The following TNR variants were observed in gnomAD, a reference collection of about 807,000 sequenced individuals.
The protein encoded by TNR is tenascin R.
A neutral mutation model predicts 150.4 loss-of-function variants in TNR; 45 were observed. The ratio of observed to expected loss-of-function variants is 0.30; its 90% CI spans 0.24 to 0.38. The LOEUF (loss-of-function observed/expected upper bound fraction) is 0.38, where lower values mean the gene tolerates loss of function less well. Among genes scored for constraint, TNR ranks in the 10% least tolerant of loss-of-function variants. The pLI is 1.00. For missense variants in TNR, 1,544 were observed against 1,759.1 expected, an observed-to-expected ratio of 0.88 and a Z score of 2.19; for synonymous variants, 687 against 678.4, an observed-to-expected ratio of 1.01 and a Z score of -0.20.
chr1:175,739,094 G>A (rs1245201102), intron 1 of TNR, among the ~76,000 whole-genome samples: 1 of 152,192 alleles, frequency 6.6e-6, no homozygotes, highest in Non-Finnish European at 1.5e-5. Context: ...GCTGGCAGAA[G>A]TGACTCAGGA....
At chr1:175,740,122 C>A (rs1425383194) in intron 1 of TNR, among the ~76,000 whole-genome samples, 1 of 152,200 alleles carries the variant, frequency 6.6e-6, no homozygotes, top group African/African-American at 2.4e-5. Flanking sequence ...TTGCTACTTA[C>A]CCAGTAACAA....
rs934165840 is a variant in TNR at position 175,508,110 on chromosome 1, C to T, written c.-64+20159G>A. 8.6e-5 allele frequency among the ~76,000 whole-genome samples: 13 copies of T among 151,612 alleles called. No individual in the cohort carries two copies. In the East Asian group the frequency reaches 9.7e-4, roughly 11 times the overall value. On this transcript the variant is annotated intron_variant, in intron 2 of 22. Coordinates refer to ENST00000367674, the MANE Select transcript of TNR (RefSeq NM_003285.3). ...AAAGATCACACAGGAGGGTCTGTCG[C>T]GGGGTGGGGGCAAGGGAAGGGAGGG... is the stretch of plus-strand genomic sequence containing the variant.
chr1:175,575,375 G>A (rs1184518080), intron 1 of TNR, among the ~76,000 whole-genome samples: 5 of 152,146 alleles, frequency 3.3e-5, no homozygotes, highest in Admixed American at 1.3e-4. Flanking sequence ...CTTCTATCAG[G>A]GACCAACACC....
intron 1 of TNR, among the ~76,000 whole-genome samples, chr1:175,637,195 G>C (rs1338387919): frequency 6.6e-6 from 1 of 152,124 alleles, no homozygotes. Flanking sequence ...TATTTTTGTT[G>C]CTCTCCAGTA....
At chr1:175,606,295 G>A (rs1217483928) in intron 1 of TNR, among the ~76,000 whole-genome samples, 2 of 152,136 alleles carry the variant, frequency 1.3e-5, no homozygotes, top group Non-Finnish European at 2.9e-5. Flanking sequence ...TCAGTGGGCT[G>A]GCTGGGACTT....
chr1:175,662,423 C>A (rs1057203343), intron 1 of TNR, among the ~76,000 whole-genome samples: 1 of 152,124 alleles, frequency 6.6e-6, no homozygotes, highest in Non-Finnish European at 1.5e-5. Flanking sequence ...ATTCCCTGGC[C>A]TGTCTCCTCT....
Position 175,332,297 on chromosome 1 carries a change from A to C in TNR, c.3632-2062T>G, listed in dbSNP as rs116937462. Among the ~76,000 whole-genome samples, 92 of 152,262 alleles carry C rather than the reference A, an allele frequency of 6.0e-4. 2 individuals carry two copies. In the East Asian group the frequency reaches 0.015, roughly 25 times the overall value. ...GCTCTGAGGAGCAATTCATGCTCCC[A>C]AGCTTCCTTAGGGATCACACTGAAG... On this transcript the variant is annotated intron_variant, in intron 20 of 22. Coordinates refer to ENST00000367674, the MANE Select transcript of TNR (RefSeq NM_003285.3).
In TNR at chr1:175,344,233, C is replaced by T. The variant is rs556328754; in HGVS notation, c.3383-6554G>A. Among the ~76,000 whole-genome samples the T allele has an allele frequency of 1.7e-4, 26 of 152,296 alleles. 1 individual carries two copies. The South Asian group carries it at 3.5e-3, about 21-fold the overall frequency. On this transcript the variant is annotated intron_variant, in intron 18 of 22. Transcript: ENST00000367674. ...AGGGATGGCCGGTGCTTAGGGTGGC[C>T]AATCCAGGACACTTTCCCTTTCCAT...
chr1:175,717,348 C>T (rs546059507), intron 1 of TNR, among the ~76,000 whole-genome samples: 1 of 152,216 alleles, frequency 6.6e-6, no homozygotes, highest in Non-Finnish European at 1.5e-5. Context: ...ATGCTCAGTA[C>T]CTGGGTGATG....
chr1:175,448,818 G>C (rs893591075), intron 2 of TNR, among the ~76,000 whole-genome samples: 4 of 152,210 alleles, frequency 2.6e-5, no homozygotes, highest in Non-Finnish European at 5.9e-5. Context: ...TCCAAAGGCA[G>C]GCAGGGGAGC....
chr1:175,601,472 A>G (rs1370823988), intron 1 of TNR, among the ~76,000 whole-genome samples: 1 of 152,238 alleles, frequency 6.6e-6, no homozygotes, highest in African/African-American at 2.4e-5. Flanking sequence ...CCTGAGTTCC[A>G]GTTCTGGATT....
chr1:175,697,620 C>T (rs1367040683), intron 1 of TNR, among the ~76,000 whole-genome samples: 1 of 152,192 alleles, frequency 6.6e-6, no homozygotes, highest in Non-Finnish European at 1.5e-5. Context: ...CTGCAACTGT[C>T]TACCCCTGTG....
At chr1:175,685,936 T>C (rs1666183637) in intron 1 of TNR, among the ~76,000 whole-genome samples, 2 of 151,948 alleles carry the variant, frequency 1.3e-5, no homozygotes, top group African/African-American at 4.8e-5. Flanking sequence ...ATGAGAGAAG[T>C]GGCCTTAAAC....
chr1:175,423,210 G>A (rs1321528493), intron 2 of TNR, among the ~76,000 whole-genome samples: 1 of 152,160 alleles, frequency 6.6e-6, no homozygotes, highest in African/African-American at 2.4e-5. Context: ...CAAATATAAA[G>A]AAGCACCTGG....
intron 15 of TNR, 139 bp from the exon 16 acceptor site, chr1:175,356,601 T>C (rs1226528730): frequency 2.1e-5 from 21 of 996,948 alleles, no homozygotes; most frequent in Non-Finnish European, 3.0e-5. Flanking sequence ...TCTAGCTTAG[T>C]ATCTTACTCT....
chr1:175,432,433 C>T (rs1428048183), intron 2 of TNR, among the ~76,000 whole-genome samples: 1 of 152,240 alleles, frequency 6.6e-6, no homozygotes, highest in Non-Finnish European at 1.5e-5. Context: ...GCCCAGGCAG[C>T]AAAAGTCACC....
chr1:175,413,162 A>G (rs1301661780), intron 2 of TNR, among the ~76,000 whole-genome samples: 8 of 152,116 alleles, frequency 5.3e-5, no homozygotes, highest in Admixed American at 5.2e-4. Context: ...AGTAGCTGGG[A>G]TTATAGGCGT....
At chr1:175,449,615 G>A (rs565595987) in intron 2 of TNR, among the ~76,000 whole-genome samples, 2 of 152,268 alleles carry the variant, frequency 1.3e-5, no homozygotes, top group South Asian at 4.2e-4. Flanking sequence ...AAAGATTAAG[G>A]TAAAGGGAGA....
At chr1:175,520,214 G>T (rs1401827371) in intron 2 of TNR, among the ~76,000 whole-genome samples, 2 of 152,164 alleles carry the variant, frequency 1.3e-5, no homozygotes, top group African/African-American at 4.8e-5. Flanking sequence ...GAGCTCTAAA[G>T]TCCTAGGCTG....
Sources: gnomAD v4.1 joint callset for allele counts (sites outside exome capture counted in the v4.1 genomes callset) on GRCh38, gnomAD v4.1.1 for gene constraint, MANE v1.5 for transcripts, NCBI Gene and HGNC (gene_info 2026-07-23, HGNC 2026-07-21) for gene names.